Variants in TRIM44 observed in about 807,000 individuals in gnomAD.
TRIM44 encodes tripartite motif-containing protein 44.
A neutral mutation model predicts 37.4 loss-of-function variants in TRIM44; 13 were observed. That is an observed-to-expected ratio of 0.35 (90% CI 0.23 to 0.55). The LOEUF (loss-of-function observed/expected upper bound fraction) is 0.55, where lower values mean the gene tolerates loss of function less well. TRIM44 is among the 20% of genes least tolerant of loss of function. The pLI is 0.89. For missense variants in TRIM44, 426 were observed against 437.2 expected (o/e 0.97, Z 0.23); for synonymous variants, 175 against 157.2 (o/e 1.11, Z -0.85).
chr11:35,777,854 G>C (rs536964743), intron 4 of TRIM44, among the ~76,000 whole-genome samples: 1 of 152,234 alleles, frequency 6.6e-6, no homozygotes, highest in East Asian at 1.9e-4. Context: ...TCCCTTTGTG[G>C]GTAACCCGAC....
At chr11:35,702,540 AC>A (rs772832830) in intron 2 of TRIM44, among the ~76,000 whole-genome samples, 68 of 152,352 alleles carry the variant, frequency 4.5e-4, no homozygotes, top group Non-Finnish European at 3.7e-4. Flanking sequence ...TCAAGCACTC[AC>A]AGCAAATCCT....
At chr11:35,710,637 C>T (rs1372852884) in intron 2 of TRIM44, among the ~76,000 whole-genome samples, 1 of 152,184 alleles carries the variant, frequency 6.6e-6, no homozygotes, top group Non-Finnish European at 1.5e-5. Context: ...AAGTTGGTGC[C>T]TTCTCCATTT....
intron 4 of TRIM44, among the ~76,000 whole-genome samples, chr11:35,776,547 T>G (rs184958088): frequency 6.6e-6 from 1 of 152,234 alleles, no homozygotes; most frequent in African/African-American, 2.4e-5. Flanking sequence ...TTAATTGTGA[T>G]GTTAGGGTGT....
chr11:35,790,621 A>AGTT, intron 4 of TRIM44, among the ~76,000 whole-genome samples: 1 of 152,186 alleles, frequency 6.6e-6, no homozygotes, highest in South Asian at 2.1e-4. Flanking sequence ...GACAGCACTG[A>AGTT]ACTGCAGTAC....
rs1028424231 is a variant in TRIM44, at chr11:35,815,934, TAATAATC to T, written c.*9551_*9557del. On this transcript the variant is annotated 3_prime_UTR_variant, in exon 5 of 5. Transcript: ENST00000299413. ...AGACAATTTTACAATGACTTACTTC[TAATAATC>T]ACTGAAACAGCCTCATGAGGACATG... 1 of 152,192 alleles carries T rather than the reference TAATAATC, an allele frequency of 6.6e-6. No individual in the cohort carries two copies. The highest frequency in any genetic ancestry group is 2.4e-5 in the African/African-American group (1 of 41,452). The allele number at this position is 152,192 out of a possible 1,614,324, so 9.4% of individuals were successfully genotyped here.
At chr11:35,801,157 G>A (rs781160998) in intron 4 of TRIM44, among the ~76,000 whole-genome samples, 1 of 152,194 alleles carries the variant, frequency 6.6e-6, no homozygotes, top group African/African-American at 2.4e-5. Context: ...CAGCAGTGCT[G>A]ATCGCATATT....
intron 4 of TRIM44, among the ~76,000 whole-genome samples, chr11:35,762,737 TG>T (rs771485260): frequency 1.3e-4 from 20 of 152,200 alleles, no homozygotes; most frequent in Admixed American, 2.6e-4. Flanking sequence ...ATTTTGGCTT[TG>T]GGGTTAGAGG....
intron 4 of TRIM44, among the ~76,000 whole-genome samples, chr11:35,767,162 A>G (rs1261987776): frequency 1.3e-5 from 2 of 152,204 alleles, no homozygotes; most frequent in South Asian, 2.1e-4. Flanking sequence ...GTGTGTCAGT[A>G]TGGCCTCCAG....
At chr11:35,740,074 G>A (rs1316558590) in intron 4 of TRIM44, among the ~76,000 whole-genome samples, 1 of 144,704 alleles carries the variant, frequency 6.9e-6, no homozygotes, top group African/African-American at 2.6e-5. Flanking sequence ...AGTCCAGCCT[G>A]GTGACAGAGC....
intron 4 of TRIM44, among the ~76,000 whole-genome samples, chr11:35,795,864 T>C (rs991151798): frequency 6.6e-6 from 1 of 152,242 alleles, no homozygotes; most frequent in Non-Finnish European, 1.5e-5. Flanking sequence ...TAAATAACTA[T>C]AAAATGTTTT....
At position 35,663,258 on chromosome 11, in the gene TRIM44, G is replaced by A. The variant is rs1367986495; in HGVS notation, c.147G>A (p.Arg49=). Residue 49 remains arginine (R), a synonymous_variant, in exon 1 of 5, where the codon AGG becomes AGA. Coordinates refer to ENST00000299413, the MANE Select transcript of TRIM44 (RefSeq NM_017583.6). ...CYCRRHAEAH[R]QKFLSHHLAE... is the part of the protein sequence containing the mutation. ...GCCGCCGCCATGCCGAGGCGCACAGGCAGAAGTTCCTCAGTCACCATCTGG... is the reference window on the plus strand; with the variant it reads ...GCCGCCGCCATGCCGAGGCGCACAGACAGAAGTTCCTCAGTCACCATCTGG... 7.4e-6 allele frequency: 12 copies of A among 1,612,076 alleles called. No individual in the cohort carries two copies. Among genetic ancestry groups the A allele is most frequent in the Non-Finnish European group, 1.0e-5 (12 of 1,178,358 alleles).
intron 2 of TRIM44, among the ~76,000 whole-genome samples, chr11:35,701,879 G>A (rs1249440663): frequency 2.0e-5 from 3 of 152,180 alleles, no homozygotes; most frequent in Non-Finnish European, 4.4e-5. Context: ...GAGTCTGACT[G>A]GTAAGTAGTT....
chr11:35,754,509 A>AT (rs201092474), intron 4 of TRIM44, among the ~76,000 whole-genome samples: 2 of 151,326 alleles, frequency 1.3e-5, no homozygotes, highest in Non-Finnish European at 1.5e-5. Context: ...GTTTATTTTT[A>AT]TTTTTTTTAT....
intron 2 of TRIM44, among the ~76,000 whole-genome samples, chr11:35,706,466 G>T (rs1337369000): frequency 6.6e-6 from 1 of 152,108 alleles, no homozygotes; most frequent in Non-Finnish European, 1.5e-5. Context: ...CCAAAAAAAA[G>T]AATTTTAGAC....
At chr11:35,681,749 T>C (rs554209773) in intron 1 of TRIM44, among the ~76,000 whole-genome samples, 19 of 152,182 alleles carry the variant, frequency 1.2e-4, no homozygotes, top group Non-Finnish European at 2.5e-4. Context: ...TCTGTTCCAC[T>C]ATCTTTTCTG....
intron 2 of TRIM44, among the ~76,000 whole-genome samples, chr11:35,707,085 G>A (rs1181539597): frequency 6.6e-6 from 1 of 152,148 alleles, no homozygotes; most frequent in East Asian, 1.9e-4. Context: ...CAAAATCAAT[G>A]TACAAAAATC....
intron 2 of TRIM44, among the ~76,000 whole-genome samples, chr11:35,715,877 A>G (rs772017709): frequency 3.3e-5 from 5 of 152,088 alleles, no homozygotes; most frequent in Non-Finnish European, 5.9e-5. Context: ...AGTGCTACCC[A>G]TTTTTAAACC....
At chr11:35,748,613 G>T (rs746105876) in intron 4 of TRIM44, among the ~76,000 whole-genome samples, 1 of 152,136 alleles carries the variant, frequency 6.6e-6, no homozygotes, top group Non-Finnish European at 1.5e-5. Context: ...TAGAGAAATC[G>T]TGGTCCCAAT....
At chr11:35,679,534 T>C (rs757276069) in intron 1 of TRIM44, among the ~76,000 whole-genome samples, 10 of 152,102 alleles carry the variant, frequency 6.6e-5, no homozygotes, top group Non-Finnish European at 1.5e-4. Flanking sequence ...AGAAAGGTAA[T>C]GTAAAGAAGA....
Sources: allele counts gnomAD v4.1 joint callset (sites outside exome capture counted in the v4.1 genomes callset), GRCh38; gene constraint gnomAD v4.1.1; transcripts MANE v1.5; gene names NCBI Gene and HGNC (gene_info 2026-07-23, HGNC 2026-07-21).